The following NFATC1 variants were observed in gnomAD, a reference collection of about 807,000 sequenced individuals.
NFATC1 encodes nuclear factor of activated T-cells, cytoplasmic 1.
Under a neutral mutation model 76.0 loss-of-function variants are expected in NFATC1, and 22 were observed. The observed-to-expected ratio is 0.29, with a 90% CI of 0.21 to 0.41. NFATC1 has a LOEUF of 0.41. Ranked by LOEUF, NFATC1 falls within the 10% of genes least tolerant of loss-of-function variation. The probability of loss-of-function intolerance (pLI) is 1.00; values close to 1 mark genes in which losing one functional copy is unlikely to be tolerated. For missense variants in NFATC1, 1,357 were observed against 1,337.7 expected, an observed-to-expected ratio of 1.01 and a Z score of -0.23; for synonymous variants, 704 against 613.1, an observed-to-expected ratio of 1.15 and a Z score of -2.19.
intron 6 of NFATC1, among the ~76,000 whole-genome samples, chr18:79,457,019 A>G (rs9783930): frequency 0.28 from 42,388 of 152,236 alleles, 8,167 homozygotes; most frequent in African/African-American, 0.54. Flanking sequence ...GGCCAAATGC[A>G]GATCTTTCAG....
intron 9 of NFATC1, among the ~76,000 whole-genome samples, chr18:79,491,467 A>G (rs949146433): frequency 1.3e-5 from 2 of 152,232 alleles, no homozygotes; most frequent in Non-Finnish European, 2.9e-5. Flanking sequence ...TGGAGGAAAC[A>G]GGAGAGAAGT....
chr18:79,450,999 A>G lies in NFATC1; in HGVS notation c.1635A>G (p.Glu545=). Residue 545 remains glutamate, a synonymous_variant, in exon 5 of 10, where the codon GAA becomes GAG. Coordinates refer to ENST00000427363, the MANE Select transcript of NFATC1 (RefSeq NM_001278669.2). ...GILKLRNSDI[E]LRKGETDIGR... is the part of the protein sequence containing the mutation. ...TGAAACTCAGAAACTCCGACATTGA[A>G]CTTCGGAAAGGAGAGACGGACATCG... 6.2e-7 allele frequency: 1 copy of G among 1,613,866 alleles called. No individual in the cohort carries two copies. The highest frequency in any genetic ancestry group is 1.7e-5 in the Admixed American group (1 of 60,026).
intron 9 of NFATC1, among the ~76,000 whole-genome samples, chr18:79,517,518 TG>T (rs2090412524): frequency 1.3e-5 from 2 of 152,260 alleles, no homozygotes; most frequent in Non-Finnish European, 1.5e-5. Context: ...GTGAGGCGGA[TG>T]GGGACGCTGC....
At position 79,433,629 on chromosome 18, in the gene NFATC1, A is replaced by G; in HGVS notation, c.1277A>G (p.Tyr426Cys). Residue 426 changes from tyrosine (Y) to cysteine (C), a missense_variant, in exon 3 of 10, where the codon TAT (tyrosine) becomes TGT (cysteine). Tyr to Cys is a radical substitution (Grantham distance 194). Around this residue, in one of 3 missense-constraint regions of NFATC1, gnomAD observed 691 missense variants for 613.1 expected, o/e 1.13. Coordinates refer to ENST00000427363, the MANE Select transcript of NFATC1 (RefSeq NM_001278669.2). ...DWQLPSHSGP[Y>C]ELRIEVQPKS... ...CAGCTGCCGTCCCACTCAGGCCCGTATGAGCTTCGGATTGAGGTGCAGCCC... is the reference window on the plus strand; with the variant it reads ...CAGCTGCCGTCCCACTCAGGCCCGTGTGAGCTTCGGATTGAGGTGCAGCCC... 1 of 1,612,912 alleles carries G rather than the reference A, an allele frequency of 6.2e-7. No homozygotes were observed. Among genetic ancestry groups the G allele is most frequent in the Non-Finnish European group, 8.5e-7 (1 of 1,179,900 alleles).
intron 8 of NFATC1, among the ~76,000 whole-genome samples, chr18:79,478,941 G>T (rs971934095): frequency 6.6e-6 from 1 of 152,192 alleles, no homozygotes; most frequent in African/African-American, 2.4e-5. Context: ...AGCTCTGCAC[G>T]CCGCTGACCA....
rs1568901820 is a variant in NFATC1 at position 79,396,370 on chromosome 18, C to CCGCCCCCGGACCCCTG, written c.127+27_127+42dup. 4 of 1,296,184 alleles carry CCGCCCCCGGACCCCTG rather than the reference C, an allele frequency of 3.1e-6. No homozygotes were observed. The highest frequency in any genetic ancestry group is 9.9e-7 in the Non-Finnish European group (1 of 1,006,782). 80.3% of individuals were successfully genotyped at this position (1,296,184 alleles called of 1,614,324 possible). A position where few individuals can be genotyped will look rare whatever the true frequency, so the allele number is the denominator to read the frequency against. ...GAGGAAGGTAAGCCCCGCGCGGCCT[C>CCGCCCCCGGACCCCTG]CGCCCCCGGACCCCTGCGCCCCCCA... On this transcript the variant is annotated intron_variant, in intron 1 of 9. Coordinates refer to ENST00000427363, the MANE Select transcript of NFATC1 (RefSeq NM_001278669.2).
intron 9 of NFATC1, among the ~76,000 whole-genome samples, chr18:79,510,135 C>G (rs921974468): frequency 3.9e-5 from 6 of 152,208 alleles, no homozygotes; most frequent in South Asian, 2.1e-4. Flanking sequence ...CATAGCCCCC[C>G]CCAAGGAGGA....
intron 9 of NFATC1, among the ~76,000 whole-genome samples, 194 bp downstream of exon 9, chr18:79,487,131 C>T (rs1173464957): frequency 5.3e-5 from 8 of 152,192 alleles, no homozygotes; most frequent in Non-Finnish European, 7.3e-5. Context: ...GGGCGCTCGC[C>T]GTGAGATCTG....
chr18:79,408,149 C>A (rs1409023049), intron 1 of NFATC1, among the ~76,000 whole-genome samples: 1 of 152,240 alleles, frequency 6.6e-6, no homozygotes, highest in African/African-American at 2.4e-5. Flanking sequence ...TTAGTAAATA[C>A]AGTGGGTTTG....
intron 1 of NFATC1, among the ~76,000 whole-genome samples, chr18:79,401,149 C>T (rs1004200120): frequency 6.6e-6 from 1 of 151,636 alleles, no homozygotes; most frequent in Non-Finnish European, 1.5e-5. Flanking sequence ...GTGGGCACCC[C>T]TGGGCCTGGG....
At chr18:79,400,864 TCAGCCA>T (rs2085209024) in intron 1 of NFATC1, among the ~76,000 whole-genome samples, 1 of 344 alleles carries the variant, frequency 2.9e-3, no homozygotes, top group Non-Finnish European at 5.6e-3. Flanking sequence ...GACCTCCGCC[TCAGCCA>T]TCCTCCTCCC....
At chr18:79,485,050 G>A (rs1569020120) in intron 8 of NFATC1, among the ~76,000 whole-genome samples, 1 of 152,224 alleles carries the variant, frequency 6.6e-6, no homozygotes, top group Non-Finnish European at 1.5e-5. Context: ...AAATGCTTTT[G>A]TTTACTGCAG....
chr18:79,446,576 G>C (rs557225344), intron 3 of NFATC1, among the ~76,000 whole-genome samples: 1 of 152,114 alleles, frequency 6.6e-6, no homozygotes, highest in Admixed American at 6.5e-5. Context: ...AAGGTATCTC[G>C]GGAAGTTCAT....
At chr18:79,475,364 A>G (rs1009713472) in intron 8 of NFATC1, among the ~76,000 whole-genome samples, 1 of 148,472 alleles carries the variant, frequency 6.7e-6, no homozygotes. Context: ...GGGTGTTTTC[A>G]CGCTCACTGT....
chr18:79,410,745 T>G lies in NFATC1; in HGVS notation c.470T>G (p.Leu157Arg). 1.2e-6 allele frequency: 2 copies of G among 1,612,958 alleles called. No individual in the cohort carries two copies. The highest frequency in any genetic ancestry group is 1.7e-6 in the Non-Finnish European group (2 of 1,179,976). The change falls in exon 2 of 10, where the codon CTG becomes CGG. Residue 157 changes from leucine (L) to arginine (R), a missense_variant. This residue lies in a region of NFATC1 where 691 missense variants were observed against 613.1 expected (regional missense o/e 1.13). Transcript: ENST00000427363. This position sits in a 1 kb window ranked among gnomAD's most constrained non-coding sequence, Gnocchi z 6.7. The stretch of plus-strand genomic sequence containing the variant: ...AAACGGTCCCCCTCCACGGCCACGC[T>G]GAGTCTGCCCAGCCTGGAGGCCTAC... ...SSKRSPSTATLSLPSLEAYRD... is the reference protein window; with the variant it reads ...SSKRSPSTATRSLPSLEAYRD...
chr18:79,461,396 T>C (rs2088073897), intron 7 of NFATC1, 30 bp downstream of exon 7: 1 of 1,613,706 alleles, frequency 6.2e-7, no homozygotes. Flanking sequence ...CTGGAGCTAC[T>C]GTGGGTCCCC....
intron 3 of NFATC1, among the ~76,000 whole-genome samples, chr18:79,437,097 T>C (rs2086807288): frequency 1.3e-5 from 2 of 152,140 alleles, no homozygotes; most frequent in Non-Finnish European, 2.9e-5. Flanking sequence ...TGGTTCAGGA[T>C]GGCCGGCAGC....
intron 9 of NFATC1, chr18:79,493,769 G>A (rs1044977986): frequency 6.6e-6 from 1 of 152,360 alleles, no homozygotes; most frequent in East Asian, 1.9e-4. Flanking sequence ...CGCAGACGGC[G>A]GCTACCGCGT....
At chr18:79,445,078 G>A (rs1013680454) in intron 3 of NFATC1, among the ~76,000 whole-genome samples, 1 of 152,248 alleles carries the variant, frequency 6.6e-6, no homozygotes, top group African/African-American at 2.4e-5. Flanking sequence ...TTCGGGTTTG[G>A]GGTGCTCCCT....
Sources: gnomAD v4.1 joint callset for allele counts (sites outside exome capture counted in the v4.1 genomes callset) on GRCh38, gnomAD v4.1.1 for gene constraint, gnomAD v4.1.1 regional missense constraint, Gnocchi (gnomAD v3.1) non-coding constraint, MANE v1.5 for transcripts, NCBI Gene and HGNC (gene_info 2026-07-23, HGNC 2026-07-21) for gene names.